The following XRCC4 variants were observed in gnomAD, a reference collection of about 807,000 sequenced individuals.
XRCC4 encodes DNA repair protein XRCC4.
In XRCC4, 28 loss-of-function variants were observed where a neutral mutation model predicts 39.1. The ratio of observed to expected loss-of-function variants is 0.72; its 90% CI spans 0.53 to 0.98. XRCC4 has a LOEUF of 0.98. Ranked by LOEUF, XRCC4 falls within the 50% of genes least tolerant of loss-of-function variation. The pLI, the probability that XRCC4 is intolerant of heterozygous loss-of-function variation, is 0.00. For synonymous variants in XRCC4, 123 were observed against 126.4 expected (o/e 0.97, Z 0.18); for missense variants, 350 against 376.4 (o/e 0.93, Z 0.58).
At chr5:83,336,288 C>G (rs1313933518) in intron 7 of XRCC4, among the ~76,000 whole-genome samples, 1 of 151,988 alleles carries the variant, frequency 6.6e-6, no homozygotes, top group Non-Finnish European at 1.5e-5. Context: ...ATATTTATAG[C>G]CTGTTCAGTT....
intron 3 of XRCC4, among the ~76,000 whole-genome samples, chr5:83,167,759 A>G (rs77587489): frequency 0.025 from 3,823 of 152,282 alleles, 67 homozygotes; most frequent in East Asian, 0.07. Flanking sequence ...AGCAAATGCT[A>G]AACTATTCAG....
At chr5:83,309,152 G>T (rs961628354) in intron 7 of XRCC4, among the ~76,000 whole-genome samples, 1 of 149,234 alleles carries the variant, frequency 6.7e-6, no homozygotes, top group Non-Finnish European at 1.5e-5. Context: ...GGTGGTGGGT[G>T]CCTCTAGCCC....
chr5:83,169,667 G>A (rs1305991180), intron 3 of XRCC4, among the ~76,000 whole-genome samples: 1 of 152,108 alleles, frequency 6.6e-6, no homozygotes, highest in Non-Finnish European at 1.5e-5. Context: ...ACTGGCTAAT[G>A]TTCATAGTGG....
intron 7 of XRCC4, among the ~76,000 whole-genome samples, chr5:83,325,942 C>G (rs1436811579): frequency 6.6e-6 from 1 of 151,978 alleles, no homozygotes; most frequent in Admixed American, 6.6e-5. Flanking sequence ...AAAAGCATTC[C>G]TTTTTCTTTG....
chr5:83,140,199 T>C (rs1580279523), intron 3 of XRCC4, among the ~76,000 whole-genome samples: 2 of 152,164 alleles, frequency 1.3e-5, no homozygotes, highest in East Asian at 3.9e-4. Flanking sequence ...CGACAGGGCG[T>C]CTGCAAGCTG....
rs375129408 is a variant in XRCC4 at position 83,316,423 on chromosome 5, T to A, written c.894-36708T>A. ...ACAGACTGGCAAGTTGGATAAAGAGTCAAGACCCATCAGTGTGCTGTATTC... is the reference window on the plus strand; with the variant it reads ...ACAGACTGGCAAGTTGGATAAAGAGACAAGACCCATCAGTGTGCTGTATTC... On this transcript the variant is annotated intron_variant, in intron 7 of 7. Coordinates refer to ENST00000396027, the MANE Select transcript of XRCC4 (RefSeq NM_003401.5). 1.3e-4 allele frequency among the ~76,000 whole-genome samples: 20 copies of A among 150,374 alleles called. No homozygotes were observed. The East Asian group carries it at 3.4e-3, about 25-fold the overall frequency.
chr5:83,081,385 C>G (rs1744934315), intron 1 of XRCC4, among the ~76,000 whole-genome samples: 1 of 152,132 alleles, frequency 6.6e-6, no homozygotes, highest in African/African-American at 2.4e-5. Flanking sequence ...TTTTCATGTT[C>G]CAGTGTTTGT....
At chr5:83,104,817 C>T in intron 1 of XRCC4, 93 bp from the exon 2 acceptor site, 1 of 1,155,560 alleles carries the variant, frequency 8.7e-7, no homozygotes, top group Non-Finnish European at 1.2e-6. Context: ...TTTCTTATTT[C>T]CTTGGTGTTT....
At chr5:83,157,506 CAT>C (rs1283227131) in intron 3 of XRCC4, among the ~76,000 whole-genome samples, 2 of 151,820 alleles carry the variant, frequency 1.3e-5, no homozygotes, top group African/African-American at 4.8e-5. Context: ...ATAAAAAAAA[CAT>C]GAAACAGGTT....
chr5:83,243,186 T>A (rs1752978633), intron 6 of XRCC4, among the ~76,000 whole-genome samples: 1 of 152,224 alleles, frequency 6.6e-6, no homozygotes, highest in Non-Finnish European at 1.5e-5. Flanking sequence ...ATGGAAGTGA[T>A]GACATCAAGT....
At chr5:83,137,534 C>A (rs80047075) in intron 3 of XRCC4, among the ~76,000 whole-genome samples, 2,406 of 152,196 alleles carry the variant, frequency 0.016, 40 homozygotes, top group East Asian at 0.071. Flanking sequence ...TCATATTGTG[C>A]ATCTGTAACC....
chr5:83,152,632 C>CA (rs59213558), intron 3 of XRCC4, among the ~76,000 whole-genome samples: 4,707 of 111,850 alleles, frequency 0.042, 119 homozygotes, highest in Middle Eastern at 0.076. Context: ...GATCCTGTCT[C>CA]AAAAAAAAAA....
chr5:83,104,507 G>A lies in XRCC4; in HGVS notation c.-10-403G>A, dbSNP rs1030818440. ...TTTTTTGTTTTTTTTTAGTAGAGAC[G>A]GGGTTTCACCATGTTGGCCAGACTG... On this transcript the variant is annotated intron_variant, in intron 1 of 7. Transcript: ENST00000396027. Among the ~76,000 whole-genome samples the A allele has an allele frequency of 3.3e-5, 5 of 151,994 alleles. No homozygotes were observed. The South Asian group carries it at 8.3e-4, about 25-fold the overall frequency.
intron 3 of XRCC4, among the ~76,000 whole-genome samples, chr5:83,117,631 ATGTGTGTGTGTGTGTGTG>A (rs70973379): frequency 6.1e-4 from 89 of 145,988 alleles, no homozygotes; most frequent in Admixed American, 9.0e-4. Context: ...CTACATATAT[ATGTGTGTGTGTGTGTGTG>A]TGTGTGTGTG....
intron 3 of XRCC4, among the ~76,000 whole-genome samples, chr5:83,166,108 A>C (rs1371057623): frequency 2.0e-5 from 3 of 151,774 alleles, no homozygotes; most frequent in African/African-American, 7.3e-5. Flanking sequence ...GCTGGTCTTG[A>C]ACTCCTGACC....
At chr5:83,342,356 A>C (rs1756786696) in intron 7 of XRCC4, among the ~76,000 whole-genome samples, 1 of 152,156 alleles carries the variant, frequency 6.6e-6, no homozygotes, top group South Asian at 2.1e-4. Flanking sequence ...TTAAATCTGT[A>C]ATATATGTAT....
chr5:83,249,029 A>C (rs938655252), intron 6 of XRCC4, among the ~76,000 whole-genome samples: 9 of 152,154 alleles, frequency 5.9e-5, no homozygotes, highest in Non-Finnish European at 1.3e-4. Context: ...TATCTTACCA[A>C]ATCTGGATAA....
At chr5:83,112,721 G>A (rs1425608408) in intron 3 of XRCC4, among the ~76,000 whole-genome samples, 1 of 152,152 alleles carries the variant, frequency 6.6e-6, no homozygotes, top group African/African-American at 2.4e-5. Context: ...ATCTTACATG[G>A]TGGCAGGCAA....
intron 3 of XRCC4, among the ~76,000 whole-genome samples, chr5:83,169,957 T>C (rs1159532046): frequency 6.6e-6 from 1 of 152,224 alleles, no homozygotes; most frequent in African/African-American, 2.4e-5. Context: ...TGAAATGCTT[T>C]CTGAAGTAAT....
Sources: gnomAD v4.1 joint callset for allele counts (sites outside exome capture counted in the v4.1 genomes callset) on GRCh38, gnomAD v4.1.1 for gene constraint, MANE v1.5 for transcripts, NCBI Gene and HGNC (gene_info 2026-07-23, HGNC 2026-07-21) for gene names.